TNFRSF13B: variants seen among roughly 807,000 people sequenced by gnomAD.
TNFRSF13B encodes tumor necrosis factor receptor superfamily member 13B.
TNFRSF13B carries 34 observed loss-of-function variants against 24.0 expected under a neutral mutation model. That is an observed-to-expected ratio of 1.41 (90% CI 1.08 to 1.88). The LOEUF (loss-of-function observed/expected upper bound fraction) is 1.88. Among genes scored for constraint, TNFRSF13B ranks in the 40% most tolerant of loss-of-function variants. The pLI is 0.00. For missense variants in TNFRSF13B, 415 were observed against 380.8 expected, an observed-to-expected ratio of 1.09 and a Z score of -0.75; for synonymous variants, 173 against 150.3, an observed-to-expected ratio of 1.15 and a Z score of -1.10.
At chr17:16,956,034 G>A (rs1398035916) in intron 1 of TNFRSF13B, among the ~76,000 whole-genome samples, 1 of 151,978 alleles carries the variant, frequency 6.6e-6, no homozygotes. Context: ...GGGCTGAAGT[G>A]GCTTCCACGG....
intron 1 of TNFRSF13B, among the ~76,000 whole-genome samples, chr17:16,960,174 T>C (rs2087652466): frequency 6.6e-6 from 1 of 152,156 alleles, no homozygotes; most frequent in Non-Finnish European, 1.5e-5. Flanking sequence ...TCTCAATTGA[T>C]GCAGAAAAAG....
intron 1 of TNFRSF13B, among the ~76,000 whole-genome samples, chr17:16,968,880 G>T (rs2087724111): frequency 6.6e-6 from 1 of 152,124 alleles, no homozygotes; most frequent in Non-Finnish European, 1.5e-5. Context: ...TTTTATATGG[G>T]CTAAATATTT....
Position 16,966,832 on chromosome 17 carries a change from C to CTTTTTTTTTTTTTTTTTTT in TNFRSF13B, c.61+5182_61+5183insAAAAAAAAAAAAAAAAAAA, listed in dbSNP as rs796602708. On this transcript the variant is annotated intron_variant, in intron 1 of 4. Transcript: ENST00000261652. ...TTGGTTTTTTTTGTTTTTTCTTTTT[C>CTTTTTTTTTTTTTTTTTTT]TTTTTTCTTTTTTTTTTTTTTTTTG... Among the ~76,000 whole-genome samples the CTTTTTTTTTTTTTTTTTTT allele has an allele frequency of 5.2e-5, 5 of 95,848 alleles. 2 individuals carry two copies. The highest frequency in any genetic ancestry group is 5.9e-5 in the Non-Finnish European group (3 of 50,676). 62.9% of individuals were successfully genotyped at this position (95,848 alleles called of 152,430 possible). A position where few individuals can be genotyped will look rare whatever the true frequency, so the allele number is the denominator to read the frequency against.
At chr17:16,967,870 G>T (rs1173477000) in intron 1 of TNFRSF13B, among the ~76,000 whole-genome samples, 1 of 151,400 alleles carries the variant, frequency 6.6e-6, no homozygotes, top group Non-Finnish European at 1.5e-5. Context: ...AGGCATGGTG[G>T]CTCACGCCTG....
intron 1 of TNFRSF13B, among the ~76,000 whole-genome samples, chr17:16,967,346 T>TATA (rs2143688149): frequency 6.6e-6 from 1 of 152,258 alleles, no homozygotes; most frequent in Non-Finnish European, 1.5e-5. Flanking sequence ...AAACAAGGTA[T>TATA]ATAACGGCAT....
intron 3 of TNFRSF13B, among the ~76,000 whole-genome samples, chr17:16,946,531 G>GT: frequency 6.6e-6 from 1 of 151,640 alleles, no homozygotes; most frequent in African/African-American, 2.4e-5. Context: ...CCAGCCATAA[G>GT]TTTTTTCATT....
At position 16,939,463 on chromosome 17, in the gene TNFRSF13B, A is replaced by C. The variant is rs1375454146; in HGVS notation, c.*84T>G. ...GCCTCCTCTGTCTCTCTCTCCTCAT[A>C]TCTCTCTCCCCTCTCCCCACCTCTC... On this transcript the variant is annotated 3_prime_UTR_variant, in exon 5 of 5. Transcript: ENST00000261652. 19 of 1,416,310 alleles carry C rather than the reference A, an allele frequency of 1.3e-5. No homozygotes were observed. The highest frequency in any genetic ancestry group is 4.1e-5 in the South Asian group (3 of 73,452). The allele number at this position is 1,416,310 out of a possible 1,614,324, so 87.7% of individuals were successfully genotyped here.
intron 2 of TNFRSF13B, among the ~76,000 whole-genome samples, chr17:16,950,777 C>T (rs942189137): frequency 1.8e-4 from 27 of 152,268 alleles, no homozygotes; most frequent in Middle Eastern, 3.4e-3. Context: ...TCCCCTCCCC[C>T]GCCTGGGACT....
chr17:16,939,391 C>T lies in TNFRSF13B; in HGVS notation c.*156G>A, dbSNP rs2087489170. ...TCTCTTCCCCTCTGTCTCTCTCTCC[C>T]TCTGTCTCTCTCTCCCTCTCTGTCT... is the stretch of plus-strand genomic sequence containing the variant. On this transcript the variant is annotated 3_prime_UTR_variant, in exon 5 of 5. Transcript: ENST00000261652. 19 of 882,954 alleles carry T rather than the reference C, an allele frequency of 2.2e-5. No homozygotes were observed. In the South Asian group the frequency reaches 3.0e-4, roughly 14 times the overall value. The allele number at this position is 882,954 out of a possible 1,614,324, so 54.7% of individuals were successfully genotyped here. A position where few individuals can be genotyped will look rare whatever the true frequency, so the allele number is the denominator to read the frequency against.
chr17:16,953,447 A>G (rs1028848887), intron 1 of TNFRSF13B, among the ~76,000 whole-genome samples: 8 of 152,150 alleles, frequency 5.3e-5, no homozygotes, highest in Admixed American at 3.9e-4. Flanking sequence ...CCACATGGAG[A>G]TGTAGGACAT....
At chr17:16,967,575 T>A (rs1173510223) in intron 1 of TNFRSF13B, among the ~76,000 whole-genome samples, 4 of 147,632 alleles carry the variant, frequency 2.7e-5, no homozygotes, top group Non-Finnish European at 6.0e-5. Context: ...TGAAACCCCG[T>A]CTCTACTAAA....
chr17:16,941,545 C>G (rs538953061), intron 3 of TNFRSF13B: 1 of 987,476 alleles, frequency 1.0e-6, no homozygotes, highest in South Asian at 4.7e-5. Flanking sequence ...CACTTCGTGC[C>G]GGGCACTTCC....
chr17:16,941,766 C>T (rs1036191842), intron 3 of TNFRSF13B, among the ~76,000 whole-genome samples: 2 of 152,138 alleles, frequency 1.3e-5, no homozygotes, highest in African/African-American at 4.8e-5. Flanking sequence ...CAGTCACTCC[C>T]CATTCCCTCT....
At position 16,952,431 on chromosome 17, in the gene TNFRSF13B, G is replaced by C. The variant is rs1275049813; in HGVS notation, c.199+15C>G. On this transcript the variant is annotated intron_variant, in intron 2 of 4. Coordinates refer to ENST00000261652, the MANE Select transcript of TNFRSF13B (RefSeq NM_012452.3). ...GTGATCACACTGTCCCCTCGGCTCAGGCCCCAGAACTCACTGCAGAAGGCT... is the reference window on the plus strand; with the variant it reads ...GTGATCACACTGTCCCCTCGGCTCACGCCCCAGAACTCACTGCAGAAGGCT... 6.2e-7 allele frequency: 1 copy of C among 1,613,896 alleles called. No individual in the cohort carries two copies. Among genetic ancestry groups the C allele is most frequent in the Non-Finnish European group, 8.5e-7 (1 of 1,179,912 alleles).
rs779346761 is a variant in TNFRSF13B at position 16,940,477 on chromosome 17, C to T, written c.480G>A (p.Val160=). 3 of 1,613,722 alleles carry T rather than the reference C, an allele frequency of 1.9e-6. No individual in the cohort carries two copies. The South Asian group carries it at 3.3e-5, about 18-fold the overall frequency. The change falls in exon 4 of 5, where the codon GTG becomes GTA. Residue 160 remains valine, a synonymous_variant. Coordinates refer to ENST00000261652, the MANE Select transcript of TNFRSF13B (RefSeq NM_012452.3). ...GCCCCAGCGTGCTGTAGACCAGGGCCACCTGATCTGCACTCAGCTTCAGCC... is the reference window on the plus strand; with the variant it reads ...GCCCCAGCGTGCTGTAGACCAGGGCTACCTGATCTGCACTCAGCTTCAGCC... ...LPGLKLSADQ[V]ALVYSTLGLC... is the part of the protein sequence containing the mutation.
At chr17:16,946,312 G>C (rs2087547266) in intron 3 of TNFRSF13B, among the ~76,000 whole-genome samples, 1 of 152,230 alleles carries the variant, frequency 6.6e-6, no homozygotes, top group African/African-American at 2.4e-5. Context: ...AAGAAGAGCA[G>C]GACAGGCCGA....
chr17:16,970,383 C>T (rs1255610654), intron 1 of TNFRSF13B, among the ~76,000 whole-genome samples: 2 of 152,284 alleles, frequency 1.3e-5, no homozygotes, highest in East Asian at 3.9e-4. Flanking sequence ...GAGGGTGATT[C>T]TCAGAGCCCT....
intron 1 of TNFRSF13B, among the ~76,000 whole-genome samples, chr17:16,956,532 A>G (rs2087625979): frequency 6.6e-6 from 1 of 152,258 alleles, no homozygotes; most frequent in Non-Finnish European, 1.5e-5. Context: ...AAAGGAAGTC[A>G]GGAAAATGTT....
In TNFRSF13B at chr17:16,942,140, A is replaced by G. The variant is rs1381159628; in HGVS notation, c.446-1629T>C. ...TAGGAGAAGAATGGCTGGGTCACAT[A>G]ATAGCTCTGTTTTGTTTTTTGAGGA... On this transcript the variant is annotated intron_variant, in intron 3 of 4. Transcript: ENST00000261652. Among the ~76,000 whole-genome samples, 4 of 152,142 alleles carry G rather than the reference A, an allele frequency of 2.6e-5. No homozygotes were observed. The East Asian group carries it at 7.7e-4, about 29-fold the overall frequency.
Sources: allele counts gnomAD v4.1 joint callset (sites outside exome capture counted in the v4.1 genomes callset), GRCh38; gene constraint gnomAD v4.1.1; transcripts MANE v1.5; gene names NCBI Gene and HGNC (gene_info 2026-07-23, HGNC 2026-07-21).